WDFY1: variants seen among roughly 807,000 people sequenced by gnomAD.
The protein encoded by WDFY1 is WD repeat and FYVE domain containing 1, also known as WD repeat and FYVE domain-containing protein 1.
In WDFY1, 32 loss-of-function variants were observed where a neutral mutation model predicts 56.4. The ratio of observed to expected loss-of-function variants is 0.57; its 90% confidence interval spans 0.43 to 0.76. The LOEUF is 0.76. WDFY1 is among the 30% of genes least tolerant of loss of function. The pLI is 0.00. For missense variants in WDFY1, 480 were observed against 545.7 expected (o/e 0.88, Z 1.20); for synonymous variants, 192 against 197.3 (o/e 0.97, Z 0.23).
intron 3 of WDFY1, among the ~76,000 whole-genome samples, chr2:223,907,366 G>A (rs1325426038): frequency 1.3e-5 from 2 of 152,072 alleles, no homozygotes; most frequent in African/African-American, 4.8e-5. Flanking sequence ...GCACACAAAA[G>A]AATACAGATT....
At chr2:223,913,998 T>C (rs2106090154) in intron 2 of WDFY1, among the ~76,000 whole-genome samples, 1 of 133,988 alleles carries the variant, frequency 7.5e-6, no homozygotes, top group South Asian at 2.6e-4. Flanking sequence ...GTTAGCTTTT[T>C]TTTTTTTTTT....
intron 1 of WDFY1, among the ~76,000 whole-genome samples, chr2:223,919,303 C>A (rs1009771070): frequency 6.6e-6 from 1 of 152,184 alleles, no homozygotes; most frequent in African/African-American, 2.4e-5. Context: ...CGCCACCTCC[C>A]GGGTTCAAGG....
chr2:223,917,912 T>C lies in WDFY1; in HGVS notation c.205+31A>G, dbSNP rs1167436711. The C allele has an allele frequency of 2.5e-6, 4 of 1,609,604 alleles. No homozygotes were observed. The South Asian group carries it at 3.3e-5, about 13-fold the overall frequency. On this transcript the variant is annotated intron_variant, in intron 2 of 11. Transcript: ENST00000233055. ...AAATCATCAAAAACATTAGAGACAT[T>C]TCTCTCAAATGGAACAGTTCAGCTA...
In WDFY1 at chr2:223,880,231, G is replaced by C. The variant is rs201606352; in HGVS notation, c.1066C>G (p.Arg356Gly). ...TCATGAAAGGTCGCTAGAGAAGTCCGACTAACAAGAGAAAAGAGATCACTG... is the reference window on the plus strand; with the variant it reads ...TCATGAAAGGTCGCTAGAGAAGTCCCACTAACAAGAGAAAAGAGATCACTG... ...SCYDSIKDED[R>G]TSLATFHEGK... Residue 356 changes from arginine to glycine, a missense_variant and splice_region_variant, in exon 11 of 12, where the codon CGG becomes GGG. Arg to Gly is a moderately radical substitution (Grantham distance 125). Coordinates refer to ENST00000233055, the MANE Select transcript of WDFY1 (RefSeq NM_020830.5). The C allele has an allele frequency of 1.2e-6, 2 of 1,613,650 alleles. No individual in the cohort carries two copies. The highest frequency in any genetic ancestry group is 1.3e-5 in the African/African-American group (1 of 75,014).
intron 8 of WDFY1, among the ~76,000 whole-genome samples, chr2:223,889,420 A>G (rs1157830191): frequency 6.6e-6 from 1 of 152,148 alleles, no homozygotes. Flanking sequence ...CTCACTTAGA[A>G]TTGTAATAAT....
At chr2:223,934,071 T>TTTTTC (rs1451302911) in intron 1 of WDFY1, among the ~76,000 whole-genome samples, 3 of 121,714 alleles carry the variant, frequency 2.5e-5, no homozygotes, top group East Asian at 4.3e-4. Flanking sequence ...AATAGCAGCC[T>TTTTTC]TTTTCTTTTC....
intron 1 of WDFY1, among the ~76,000 whole-genome samples, chr2:223,925,732 T>C (rs1288255768): frequency 6.6e-6 from 1 of 152,240 alleles, no homozygotes; most frequent in African/African-American, 2.4e-5. Flanking sequence ...TCACCTAAGT[T>C]TATGGAATAT....
At chr2:223,942,527 C>CTTTTTTTTTTTTTTTTTTTT (rs57223015) in intron 1 of WDFY1, among the ~76,000 whole-genome samples, 1 of 74,220 alleles carries the variant, frequency 1.3e-5, no homozygotes, top group African/African-American at 6.2e-5. Flanking sequence ...CAAAGGCTAA[C>CTTTTTTTTTTTTTTTTTTTT]TTTTTTTTTT....
intron 3 of WDFY1, among the ~76,000 whole-genome samples, chr2:223,907,678 A>C (rs1269339183): frequency 6.6e-6 from 1 of 152,176 alleles, no homozygotes; most frequent in Non-Finnish European, 1.5e-5. Context: ...GCACATGATG[A>C]TATTCCTATA....
At chr2:223,937,806 T>C (rs1179933121) in intron 1 of WDFY1, among the ~76,000 whole-genome samples, 1 of 152,224 alleles carries the variant, frequency 6.6e-6, no homozygotes, top group African/African-American at 2.4e-5. Context: ...AGTCTACTTT[T>C]AGGCTCTGCA....
chr2:223,909,783 A>G (rs1321674735), intron 3 of WDFY1, among the ~76,000 whole-genome samples: 3 of 152,082 alleles, frequency 2.0e-5, no homozygotes, highest in African/African-American at 7.2e-5. Flanking sequence ...GTCCTTCTTC[A>G]TGGCCACTGT....
At chr2:223,912,849 C>G (rs189530345) in intron 2 of WDFY1, among the ~76,000 whole-genome samples, 1 of 152,214 alleles carries the variant, frequency 6.6e-6, no homozygotes, top group South Asian at 2.1e-4. Flanking sequence ...TCTACCCTAC[C>G]CTCTTCCAGA....
intron 11 of WDFY1, among the ~76,000 whole-genome samples, chr2:223,879,613 CTG>C (rs1323742796): frequency 2.0e-5 from 3 of 151,656 alleles, no homozygotes; most frequent in Non-Finnish European, 4.4e-5. Context: ...TGAGTAGTGA[CTG>C]TGCCACTGCA....
chr2:223,904,966 T>C (rs921451143), intron 4 of WDFY1, among the ~76,000 whole-genome samples: 7 of 152,236 alleles, frequency 4.6e-5, no homozygotes, highest in African/African-American at 1.7e-4. Context: ...AAAGTATTGA[T>C]AGCTTTGTAG....
chr2:223,889,502 T>C (rs1211321952), intron 8 of WDFY1, among the ~76,000 whole-genome samples: 1 of 152,176 alleles, frequency 6.6e-6, no homozygotes, highest in African/African-American at 2.4e-5. Flanking sequence ...CATGCTATTC[T>C]CCTGGTAGTG....
intron 9 of WDFY1, 35 bp downstream of exon 9, chr2:223,884,613 A>G (rs1693139047): frequency 6.2e-7 from 1 of 1,600,078 alleles, no homozygotes; most frequent in Non-Finnish European, 8.6e-7. Context: ...GAAATACACA[A>G]TCAAGCCAGA....
At chr2:223,943,927 C>T (rs895445645) in intron 1 of WDFY1, among the ~76,000 whole-genome samples, 2 of 152,158 alleles carry the variant, frequency 1.3e-5, no homozygotes, top group Non-Finnish European at 2.9e-5. Context: ...TGGTGGGCGT[C>T]CAATGCAAGA....
At position 223,945,150 on chromosome 2, in the gene WDFY1, G is replaced by A. The variant is rs1484759230; in HGVS notation, c.135C>T (p.Asp45=). ...CCCCGGCTGCGCCCGGGCCCTACCT[G>A]TCCTCGCTGGCCGTGATCACGCCGT... ...KEDGVITASE[D]RTIRVWLKRD... Residue 45 remains aspartate, a splice_region_variant and synonymous_variant, in exon 1 of 12, where the codon GAC becomes GAT. Coordinates refer to ENST00000233055, the MANE Select transcript of WDFY1 (RefSeq NM_020830.5). 4.4e-6 allele frequency: 7 copies of A among 1,591,516 alleles called. No individual in the cohort carries two copies. The highest frequency in any genetic ancestry group is 6.0e-6 in the Non-Finnish European group (7 of 1,173,664).
chr2:223,893,795 A>G (rs942037318), intron 8 of WDFY1, among the ~76,000 whole-genome samples: 5 of 152,206 alleles, frequency 3.3e-5, no homozygotes, highest in Non-Finnish European at 5.9e-5. Flanking sequence ...AAGCAGAGAA[A>G]TGGAAATATA....
Sources: allele counts gnomAD v4.1 joint callset (sites outside exome capture counted in the v4.1 genomes callset), GRCh38; gene constraint gnomAD v4.1.1; transcripts MANE v1.5; gene names NCBI Gene and HGNC (gene_info 2026-07-23, HGNC 2026-07-21).